Variants in SORCS3 observed in about 807,000 individuals in gnomAD.
The protein encoded by SORCS3 is sortilin related VPS10 domain containing receptor 3.
A neutral mutation model predicts 146.3 loss-of-function variants in SORCS3; 57 were observed. The observed-to-expected ratio is 0.39, with a 90% CI of 0.31 to 0.49. The LOEUF (loss-of-function observed/expected upper bound fraction) is 0.49, where lower values mean the gene tolerates loss of function less well. Among genes scored for constraint, SORCS3 ranks in the 20% least tolerant of loss-of-function variants. The pLI is 0.92. For missense variants in SORCS3, 1,341 were observed against 1,575.5 expected (o/e 0.85, Z 2.52); for synonymous variants, 653 against 618.5 (o/e 1.06, Z -0.83).
intron 1 of SORCS3, among the ~76,000 whole-genome samples, chr10:104,792,665 A>C (rs1187974267): frequency 2.0e-5 from 3 of 152,192 alleles, no homozygotes; most frequent in Non-Finnish European, 4.4e-5. Flanking sequence ...AAATTCTTCT[A>C]CTTTACTATC....
intron 1 of SORCS3, among the ~76,000 whole-genome samples, chr10:104,737,139 T>C (rs997077529): frequency 1.2e-4 from 19 of 152,238 alleles, no homozygotes; most frequent in African/African-American, 4.6e-4. Flanking sequence ...TAGTATTCCA[T>C]GGTGTATATG....
intron 2 of SORCS3, among the ~76,000 whole-genome samples, chr10:104,913,827 GTGGTGCGATCTCAGCTCACTGCAACC>G (rs1430995588): frequency 1.5e-4 from 21 of 139,204 alleles, no homozygotes; most frequent in African/African-American, 5.9e-4. Flanking sequence ...CTGGAGTACA[GTGGTGCGATCTCAGCTCACTGCAACC>G]TCTGCCTCCT....
At chr10:104,883,204 G>A (rs2018647835) in intron 2 of SORCS3, among the ~76,000 whole-genome samples, 1 of 152,206 alleles carries the variant, frequency 6.6e-6, no homozygotes, top group Non-Finnish European at 1.5e-5. Context: ...GAGGTGGAAG[G>A]AATCTACAGG....
At chr10:105,124,903 T>C (rs1390705441) in intron 7 of SORCS3, among the ~76,000 whole-genome samples, 2 of 152,220 alleles carry the variant, frequency 1.3e-5, no homozygotes, top group Non-Finnish European at 2.9e-5. Flanking sequence ...CCCAAGGCCT[T>C]CTGTCTGATT....
At chr10:105,003,519 C>T (rs2055073825) in intron 4 of SORCS3, among the ~76,000 whole-genome samples, 1 of 152,070 alleles carries the variant, frequency 6.6e-6, no homozygotes, top group Non-Finnish European at 1.5e-5. Context: ...TAAATGGAGC[C>T]TAATTTGTGT....
chr10:104,881,549 G>T (rs1179926520), intron 2 of SORCS3, among the ~76,000 whole-genome samples: 2 of 152,090 alleles, frequency 1.3e-5, no homozygotes, highest in African/African-American at 4.8e-5. Flanking sequence ...CTTTTTCCTT[G>T]ATTAAAGAGA....
At chr10:104,832,432 G>A (rs1384510429) in intron 1 of SORCS3, among the ~76,000 whole-genome samples, 1 of 152,106 alleles carries the variant, frequency 6.6e-6, no homozygotes, top group Non-Finnish European at 1.5e-5. Flanking sequence ...AATAGAACAG[G>A]TGTGACCGGG....
intron 1 of SORCS3, among the ~76,000 whole-genome samples, chr10:104,680,719 G>A (rs1168469477): frequency 6.6e-6 from 1 of 152,234 alleles, no homozygotes; most frequent in Non-Finnish European, 1.5e-5. Context: ...GCTGACACGC[G>A]TTATTATTAT....
intron 1 of SORCS3, among the ~76,000 whole-genome samples, chr10:104,746,949 C>A (rs1255780213): frequency 6.6e-6 from 1 of 152,150 alleles, no homozygotes; most frequent in Non-Finnish European, 1.5e-5. Context: ...CTATGAGAAA[C>A]AAGTATTAAA....
chr10:104,677,357 A>T (rs2015922658), intron 1 of SORCS3, among the ~76,000 whole-genome samples: 1 of 152,226 alleles, frequency 6.6e-6, no homozygotes, highest in African/African-American at 2.4e-5. Context: ...CCTTGTCTGA[A>T]TTAGGATGGT....
intron 9 of SORCS3, among the ~76,000 whole-genome samples, chr10:105,148,133 A>G (rs1213352714): frequency 1.3e-5 from 2 of 151,930 alleles, no homozygotes; most frequent in African/African-American, 2.4e-5. Context: ...AGCTTTGTAA[A>G]CTCTGTGTTG....
chr10:105,195,731 A>G (rs1416062818), intron 14 of SORCS3, among the ~76,000 whole-genome samples: 2 of 152,294 alleles, frequency 1.3e-5, no homozygotes, highest in Admixed American at 6.5e-5. Context: ...TAAGCTGACA[A>G]TGGGTGGATC....
chr10:105,205,464 A>G (rs953957914), intron 16 of SORCS3, among the ~76,000 whole-genome samples: 7 of 152,178 alleles, frequency 4.6e-5, no homozygotes, highest in Non-Finnish European at 8.8e-5. Context: ...CGAACCCTAG[A>G]GAGCCACTTT....
At chr10:104,913,149 G>T (rs2018987370) in intron 2 of SORCS3, among the ~76,000 whole-genome samples, 1 of 152,178 alleles carries the variant, frequency 6.6e-6, no homozygotes, top group Admixed American at 6.5e-5. Context: ...GCTTGACTGT[G>T]TGCATTGGGC....
intron 1 of SORCS3, among the ~76,000 whole-genome samples, chr10:104,812,499 A>G (rs2017752106): frequency 6.6e-6 from 1 of 152,222 alleles, no homozygotes; most frequent in Non-Finnish European, 1.5e-5. Flanking sequence ...TTCTACCTCT[A>G]CTTCCAGCTG....
intron 4 of SORCS3, among the ~76,000 whole-genome samples, chr10:104,983,932 G>A (rs886923500): frequency 3.3e-5 from 5 of 151,972 alleles, no homozygotes; most frequent in East Asian, 1.9e-4. Flanking sequence ...CATACATACC[G>A]AAAAGCATAC....
At chr10:104,820,387 T>C (rs183696192) in intron 1 of SORCS3, among the ~76,000 whole-genome samples, 1 of 152,348 alleles carries the variant, frequency 6.6e-6, no homozygotes, top group Admixed American at 6.5e-5. Context: ...GGCTAACATT[T>C]ATCCTATAAA....
chr10:105,063,950 T>A (rs575264551), intron 5 of SORCS3, among the ~76,000 whole-genome samples: 1 of 152,234 alleles, frequency 6.6e-6, no homozygotes, highest in South Asian at 2.1e-4. Flanking sequence ...GTCCTCTCTA[T>A]GGTAGCAGCT....
At chr10:105,005,758 A>G (rs1029727313) in intron 4 of SORCS3, among the ~76,000 whole-genome samples, 1 of 152,124 alleles carries the variant, frequency 6.6e-6, no homozygotes. Flanking sequence ...GCTCTCAGTT[A>G]TACCACTTAT....
Sources: gnomAD v4.1 joint callset for allele counts (sites outside exome capture counted in the v4.1 genomes callset) on GRCh38, gnomAD v4.1.1 for gene constraint, MANE v1.5 for transcripts, NCBI Gene and HGNC (gene_info 2026-07-23, HGNC 2026-07-21) for gene names.